The following MTMR2 variants were observed in gnomAD, a reference collection of about 807,000 sequenced individuals.
MTMR2 encodes the protein myotubularin related protein 2.
Under a neutral mutation model 86.9 loss-of-function variants are expected in MTMR2, and 55 were observed. The observed-to-expected ratio is 0.63, with a 90% CI of 0.51 to 0.79. The LOEUF is 0.79. Ranked by LOEUF, MTMR2 falls within the 30% of genes least tolerant of loss-of-function variation. The probability of loss-of-function intolerance (pLI) is 0.00; values close to 1 mark genes in which losing one functional copy is unlikely to be tolerated. For missense variants in MTMR2, 659 were observed against 772.3 expected (o/e 0.85, Z 1.74); for synonymous variants, 241 against 266.8 (o/e 0.90, Z 0.94).
chr11:95,875,412 T>C (rs1488845590), intron 2 of MTMR2, among the ~76,000 whole-genome samples: 1 of 152,238 alleles, frequency 6.6e-6, no homozygotes, highest in Non-Finnish European at 1.5e-5. Context: ...TGTGCATTCG[T>C]CACGTAGTTC....
chr11:95,910,310 T>C (rs1866450327), intron 1 of MTMR2, among the ~76,000 whole-genome samples: 2 of 152,104 alleles, frequency 1.3e-5, no homozygotes, highest in Admixed American at 6.5e-5. Context: ...CATTACTTTA[T>C]TGTCAATCAC....
At chr11:95,860,272 C>A (rs1316938434) in intron 5 of MTMR2, among the ~76,000 whole-genome samples, 1 of 152,052 alleles carries the variant, frequency 6.6e-6, no homozygotes, top group Admixed American at 6.6e-5. Context: ...GAGGCCAAGG[C>A]GGGCAGATCA....
chr11:95,873,335 G>T (rs1032837764), intron 2 of MTMR2, among the ~76,000 whole-genome samples: 3 of 152,150 alleles, frequency 2.0e-5, no homozygotes, highest in Non-Finnish European at 4.4e-5. Context: ...TTTAGCCTTG[G>T]GAGAGTGTAT....
chr11:95,843,339 T>A (rs967231377), intron 11 of MTMR2, among the ~76,000 whole-genome samples: 7 of 152,166 alleles, frequency 4.6e-5, no homozygotes, highest in African/African-American at 1.7e-4. Flanking sequence ...TAAGCCAGTA[T>A]TTTCCAAATA....
intron 2 of MTMR2, among the ~76,000 whole-genome samples, chr11:95,868,231 C>G (rs1864691173): frequency 7.6e-6 from 1 of 131,606 alleles, no homozygotes; most frequent in African/African-American, 2.8e-5. Flanking sequence ...GTGATGCACT[C>G]CACTGCACTC....
intron 1 of MTMR2, among the ~76,000 whole-genome samples, chr11:95,894,466 C>A (rs1384000488): frequency 6.6e-6 from 1 of 152,148 alleles, no homozygotes; most frequent in Non-Finnish European, 1.5e-5. Flanking sequence ...CACATATTAT[C>A]CCTCAAGTCA....
intron 11 of MTMR2, 63 bp downstream of exon 11, chr11:95,844,889 AT>A: frequency 2.1e-6 from 3 of 1,409,422 alleles, no homozygotes; most frequent in Non-Finnish European, 3.0e-6. Flanking sequence ...TAAAAAACAC[AT>A]TTTTTTCACA....
intron 2 of MTMR2, among the ~76,000 whole-genome samples, chr11:95,879,445 T>C (rs1865243814): frequency 6.6e-6 from 1 of 152,202 alleles, no homozygotes; most frequent in Non-Finnish European, 1.5e-5. Flanking sequence ...TACATTCACC[T>C]ATAATTTTTT....
chr11:95,860,771 T>C (rs1864388593), intron 5 of MTMR2, among the ~76,000 whole-genome samples: 1 of 152,190 alleles, frequency 6.6e-6, no homozygotes, highest in Admixed American at 6.5e-5. Context: ...ACAATCTATG[T>C]TTCATTCAAG....
At position 95,862,270 on chromosome 11, in the gene MTMR2, A is replaced by T; in HGVS notation, c.357+2T>A. 5 of 1,591,036 alleles carry T rather than the reference A, an allele frequency of 3.1e-6. No individual in the cohort carries two copies. Among genetic ancestry groups the T allele is most frequent in the South Asian group, 1.1e-5 (1 of 91,010 alleles). On this transcript the variant is annotated splice_donor_variant, in intron 4 of 14. Transcript: ENST00000346299. LOFTEE classifies it high-confidence loss of function. The stretch of plus-strand genomic sequence containing the variant: ...CATACAAAAATCTAATCTGACTCTT[A>T]CCCGTTCCATGCTTTTGAAATATAA...
At chr11:95,858,699 C>A (rs1864300672) in intron 5 of MTMR2, 67 bp from the exon 6 acceptor site, 5 of 1,034,398 alleles carry the variant, frequency 4.8e-6, no homozygotes. Flanking sequence ...AATAAGGTTA[C>A]TTGGAACTAT....
chr11:95,863,594 A>G (rs1473808413), intron 3 of MTMR2, among the ~76,000 whole-genome samples: 1 of 152,128 alleles, frequency 6.6e-6, no homozygotes, highest in East Asian at 1.9e-4. Context: ...TCAACTAGAA[A>G]AGCTTTATTC....
At chr11:95,844,909 C>T in intron 11 of MTMR2, 44 bp downstream of exon 11, 1 of 1,467,256 alleles carries the variant, frequency 6.8e-7, no homozygotes, top group Non-Finnish European at 9.5e-7. Context: ...CATGCCTTGG[C>T]ATGAATGCAT....
At chr11:95,866,814 T>C (rs752975248) in intron 2 of MTMR2, among the ~76,000 whole-genome samples, 8 of 151,254 alleles carry the variant, frequency 5.3e-5, no homozygotes, top group African/African-American at 9.7e-5. Flanking sequence ...TACAAAAATA[T>C]AGACTTGGGT....
At position 95,924,030 on chromosome 11, in the gene MTMR2, T is replaced by TGCTACGGACCGGGGCC. The variant is rs1271865420; in HGVS notation, c.-92_-77dup. On this transcript the variant is annotated 5_prime_UTR_variant, in exon 1 of 15. Coordinates refer to ENST00000346299, the MANE Select transcript of MTMR2 (RefSeq NM_016156.6). The stretch of plus-strand genomic sequence containing the variant: ...AGGGCGGGAGAAGCGGAGGGCGGAG[T>TGCTACGGACCGGGGCC]GCTACGGACCGGGGCCGCAGTCAGG... 49 of 1,530,614 alleles carry TGCTACGGACCGGGGCC rather than the reference T, an allele frequency of 3.2e-5. No homozygotes were observed. Among genetic ancestry groups the TGCTACGGACCGGGGCC allele is most frequent in the Non-Finnish European group, 4.3e-5 (49 of 1,130,546 alleles). 94.8% of individuals were successfully genotyped at this position (1,530,614 alleles called of 1,614,324 possible).
chr11:95,905,322 C>T (rs1370044151), intron 1 of MTMR2, among the ~76,000 whole-genome samples: 8 of 113,640 alleles, frequency 7.0e-5, no homozygotes, highest in Non-Finnish European at 1.1e-4. Flanking sequence ...CACACACGCA[C>T]GCACCTGCGC....
rs537775237 is a variant in MTMR2, at chr11:95,910,975, AAAC to A, written c.80+12897_80+12899del. Among the ~76,000 whole-genome samples, 390 of 152,260 alleles carry A rather than the reference AAAC, an allele frequency of 2.6e-3. 3 individuals carry two copies. Among genetic ancestry groups the A allele is most frequent in the African/African-American group, 8.0e-3 (333 of 41,558 alleles). ...TATTTGCAGGATCCTCAAAACAGAA[AAAC>A]AACCCCCCCAAAACAAATTAATTTA... On this transcript the variant is annotated intron_variant, in intron 1 of 14. Coordinates refer to ENST00000346299, the MANE Select transcript of MTMR2 (RefSeq NM_016156.6).
intron 2 of MTMR2, among the ~76,000 whole-genome samples, chr11:95,867,269 T>C (rs1285159194): frequency 1.3e-5 from 2 of 152,222 alleles, no homozygotes; most frequent in Non-Finnish European, 2.9e-5. Context: ...ATATTGCATA[T>C]GTATACCTTC....
chr11:95,873,792 G>C (rs1171591955), intron 2 of MTMR2, among the ~76,000 whole-genome samples: 1 of 152,038 alleles, frequency 6.6e-6, no homozygotes, highest in South Asian at 2.1e-4. Context: ...CTGGTATGTT[G>C]TGTCTTTGTT....
Sources: gnomAD v4.1 joint callset for allele counts (sites outside exome capture counted in the v4.1 genomes callset) on GRCh38, gnomAD v4.1.1 for gene constraint, MANE v1.5 for transcripts, NCBI Gene and HGNC (gene_info 2026-07-23, HGNC 2026-07-21) for gene names.